Variants in FRRS1L observed in about 807,000 individuals in gnomAD.
FRRS1L encodes the protein DOMON domain-containing protein FRRS1L.
FRRS1L carries 22 observed loss-of-function variants against 28.6 expected under a neutral mutation model. That is an observed-to-expected ratio of 0.77 (90% CI 0.55 to 1.10). The LOEUF (loss-of-function observed/expected upper bound fraction) is 1.10, where lower values mean the gene tolerates loss of function less well. Among genes scored for constraint, FRRS1L ranks in the 50% least tolerant of loss-of-function variants. FRRS1L has a pLI of 0.00. For missense variants in FRRS1L, 380 were observed against 386.9 expected, an observed-to-expected ratio of 0.98 and a Z score of 0.15; for synonymous variants, 158 against 151.4, an observed-to-expected ratio of 1.04 and a Z score of -0.32.
intron 1 of FRRS1L, among the ~76,000 whole-genome samples, chr9:109,156,985 T>A (rs968309001): frequency 3.3e-5 from 5 of 152,218 alleles, no homozygotes; most frequent in Non-Finnish European, 7.3e-5. Flanking sequence ...TAATCTTTCT[T>A]ATTTTCTGAT....
chr9:109,138,345 T>C (rs1481900233), intron 4 of FRRS1L: 2 of 152,236 alleles, frequency 1.3e-5, no homozygotes, highest in Non-Finnish European at 2.9e-5. Context: ...GTGTAAAATA[T>C]ATTTAATAAT....
At chr9:109,151,591 C>A (rs557317280) in intron 1 of FRRS1L, 8 of 245,614 alleles carry the variant, frequency 3.3e-5, no homozygotes, top group Non-Finnish European at 4.8e-5. Context: ...AAGCTCAGGG[C>A]TCCCACTGAT....
Position 109,137,216 on chromosome 9 carries a change from A to G in FRRS1L, c.*239T>C. 1 of 257,606 alleles carries G rather than the reference A, an allele frequency of 3.9e-6. No individual in the cohort carries two copies. Among genetic ancestry groups the G allele is most frequent in the East Asian group, 6.7e-5 (1 of 15,002 alleles). The allele number at this position is 257,606 out of a possible 1,614,324, so 16.0% of individuals were successfully genotyped here. Reference sequence around the variant, plus strand: ...CTCAGAGATGTTGTGAAGTTAAATAAGAAAACATATGTGAAAGTGCTTAGA... The same window carrying G: ...CTCAGAGATGTTGTGAAGTTAAATAGGAAAACATATGTGAAAGTGCTTAGA... On this transcript the variant is annotated 3_prime_UTR_variant, in exon 5 of 5. Coordinates refer to ENST00000561981, the MANE Select transcript of FRRS1L (RefSeq NM_014334.4).
chr9:109,159,490 C>A (rs1332337941), intron 1 of FRRS1L, among the ~76,000 whole-genome samples: 1 of 152,098 alleles, frequency 6.6e-6, no homozygotes, highest in Non-Finnish European at 1.5e-5. Context: ...CATGGTGAAA[C>A]CCTGTCTTTA....
At chr9:109,157,696 A>G (rs1831428723) in intron 1 of FRRS1L, among the ~76,000 whole-genome samples, 1 of 152,218 alleles carries the variant, frequency 6.6e-6, no homozygotes, top group South Asian at 2.1e-4. Flanking sequence ...GGTATGTCCA[A>G]TTACAAATGT....
intron 1 of FRRS1L, among the ~76,000 whole-genome samples, chr9:109,166,330 G>A (rs886720187): frequency 8.5e-5 from 13 of 152,130 alleles, no homozygotes; most frequent in Admixed American, 2.0e-4. Flanking sequence ...CATATGTGGC[G>A]TCATAAAAGA....
intron 1 of FRRS1L, among the ~76,000 whole-genome samples, chr9:109,165,950 G>T (rs1588106141): frequency 6.6e-6 from 1 of 152,280 alleles, no homozygotes; most frequent in South Asian, 2.1e-4. Flanking sequence ...GACCAGTTCT[G>T]GATTACCTAT....
intron 1 of FRRS1L, among the ~76,000 whole-genome samples, chr9:109,155,149 T>C (rs144933624): frequency 5.3e-5 from 8 of 152,324 alleles, no homozygotes; most frequent in Admixed American, 2.0e-4. Flanking sequence ...AGCCTGGAAA[T>C]GCCCAAACAG....
At chr9:109,139,463 T>C (rs1380750958) in intron 4 of FRRS1L, 1 of 152,228 alleles carries the variant, frequency 6.6e-6, no homozygotes, top group Admixed American at 6.5e-5. Context: ...AATACTTGTT[T>C]TCACTTAATC....
At chr9:109,153,272 C>G (rs1442155443) in intron 1 of FRRS1L, among the ~76,000 whole-genome samples, 1 of 152,168 alleles carries the variant, frequency 6.6e-6, no homozygotes, top group South Asian at 2.1e-4. Flanking sequence ...TTGTGCTAGA[C>G]CTACCTATAG....
At chr9:109,156,631 C>T (rs901632864) in intron 1 of FRRS1L, among the ~76,000 whole-genome samples, 25 of 151,252 alleles carry the variant, frequency 1.7e-4, no homozygotes, top group Admixed American at 2.6e-4. Flanking sequence ...CCTCGTGATC[C>T]GCCCGCCTCG....
intron 3 of FRRS1L, among the ~76,000 whole-genome samples, chr9:109,145,781 C>T (rs1055800937): frequency 3.3e-5 from 5 of 152,008 alleles, no homozygotes; most frequent in African/African-American, 1.2e-4. Flanking sequence ...GATGGAGGTG[C>T]CTGAAGGGTA....
chr9:109,164,527 T>C (rs1301624643), intron 1 of FRRS1L, among the ~76,000 whole-genome samples: 1 of 151,458 alleles, frequency 6.6e-6, no homozygotes, highest in Non-Finnish European at 1.5e-5. Flanking sequence ...GCCTCCTGAG[T>C]AGCTGGGATT....
At chr9:109,142,270 A>G (rs749432055) in intron 3 of FRRS1L, among the ~76,000 whole-genome samples, 1 of 151,570 alleles carries the variant, frequency 6.6e-6, no homozygotes, top group Non-Finnish European at 1.5e-5. Flanking sequence ...GAAAATAACA[A>G]TCAAAAAAAT....
In FRRS1L at chr9:109,137,312, G is replaced by T; in HGVS notation, c.*143C>A. On this transcript the variant is annotated 3_prime_UTR_variant, in exon 5 of 5. Transcript: ENST00000561981. ...TCTTCTTTGACTACAAAAGAAGCTT[G>T]TTCTTTCTTCCAAAAAGCTGAAATT... 1 of 475,132 alleles carries T rather than the reference G, an allele frequency of 2.1e-6. No individual in the cohort carries two copies. The highest frequency in any genetic ancestry group is 3.6e-6 in the Non-Finnish European group (1 of 277,284). The allele number at this position is 475,132 out of a possible 1,614,324, so 29.4% of individuals were successfully genotyped here.
chr9:109,153,756 T>C (rs1386286080), intron 1 of FRRS1L, among the ~76,000 whole-genome samples: 1 of 152,154 alleles, frequency 6.6e-6, no homozygotes, highest in Non-Finnish European at 1.5e-5. Flanking sequence ...AGGAACTGAA[T>C]TGCAGTACAC....
chr9:109,131,152 T>C lies in FRRS1L; in HGVS notation c.*6303A>G, dbSNP rs1211257421. On this transcript the variant is annotated 3_prime_UTR_variant, in exon 5 of 5. Transcript: ENST00000561981. The stretch of plus-strand genomic sequence containing the variant: ...CTAAATAACTGGATACTTGAATAAC[T>C]GAATAAGGAACCTAATTAAATACAA... 6.6e-6 allele frequency: 1 copy of C among 152,208 alleles called. No individual in the cohort carries two copies. The highest frequency in any genetic ancestry group is 1.5e-5 in the Non-Finnish European group (1 of 68,032). 9.4% of individuals were successfully genotyped at this position (152,208 alleles called of 1,614,324 possible). A position where few individuals can be genotyped will look rare whatever the true frequency, so the allele number is the denominator to read the frequency against.
rs1564227526 is a variant in FRRS1L, at chr9:109,137,172, A to G, written c.*283T>C. The G allele has an allele frequency of 5.2e-6, 1 of 191,186 alleles. No individual in the cohort carries two copies. Among genetic ancestry groups the G allele is most frequent in the Non-Finnish European group, 1.1e-5 (1 of 93,778 alleles). 11.8% of individuals were successfully genotyped at this position (191,186 alleles called of 1,614,324 possible). A position where few individuals can be genotyped will look rare whatever the true frequency, so the allele number is the denominator to read the frequency against. On this transcript the variant is annotated 3_prime_UTR_variant, in exon 5 of 5. Coordinates refer to ENST00000561981, the MANE Select transcript of FRRS1L (RefSeq NM_014334.4). ...AATCCCATTCAGGAAGATGGCAATC[A>G]CAATTTTCATCAATCCAACTCAGAG...
chr9:109,164,675 C>T (rs538812196), intron 1 of FRRS1L, among the ~76,000 whole-genome samples: 55 of 152,312 alleles, frequency 3.6e-4, no homozygotes, highest in African/African-American at 1.2e-3. Context: ...GGATTACAGT[C>T]GTGAAGCACC....
Sources: gnomAD v4.1 joint callset for allele counts (sites outside exome capture counted in the v4.1 genomes callset) on GRCh38, gnomAD v4.1.1 for gene constraint, MANE v1.5 for transcripts, NCBI Gene and HGNC (gene_info 2026-07-23, HGNC 2026-07-21) for gene names.